IGSF9B: variants seen among roughly 807,000 people sequenced by gnomAD.
IGSF9B encodes the protein immunoglobulin superfamily member 9B, also known as protein turtle homolog B.
A neutral mutation model predicts 143.7 loss-of-function variants in IGSF9B; 48 were observed. The ratio of observed to expected loss-of-function variants is 0.33; its 90% CI spans 0.26 to 0.42. IGSF9B has a LOEUF of 0.42. IGSF9B is among the 20% of genes least tolerant of loss of function. The pLI is 1.00. For synonymous variants in IGSF9B, 903 were observed against 833.1 expected, an observed-to-expected ratio of 1.08 and a Z score of -1.44; for missense variants, 1,706 against 1,980.0, an observed-to-expected ratio of 0.86 and a Z score of 2.63.
rs1237494722 is a variant in IGSF9B at position 133,907,354 on chromosome 11, C to T, written c.*1715G>A. On this transcript the variant is annotated 3_prime_UTR_variant, in exon 20 of 20. Coordinates refer to ENST00000533871, the MANE Select transcript of IGSF9B (RefSeq NM_001277285.4). ...TCCTGCGAGGTCACTGGGCCAAGCC[C>T]ATGGCAGCTGCATGAGACCAGCAGA... 6.6e-6 allele frequency among the ~76,000 whole-genome samples: 1 copy of T among 152,236 alleles called. No homozygotes were observed. The highest frequency in any genetic ancestry group is 1.5e-5 in the Non-Finnish European group (1 of 68,050).
chr11:133,948,837 C>G lies in IGSF9B; in HGVS notation c.65-2579G>C, dbSNP rs1184100935. Among the ~76,000 whole-genome samples the G allele has an allele frequency of 1.3e-5, 2 of 152,166 alleles. No homozygotes were observed. The highest frequency in any genetic ancestry group is 4.8e-5 in the African/African-American group (2 of 41,434). On this transcript the variant is annotated intron_variant, in intron 1 of 19. Transcript: ENST00000533871. This position sits in a 1 kb window ranked among gnomAD's most constrained non-coding sequence, Gnocchi z 4.7. The stretch of plus-strand genomic sequence containing the variant: ...AACAGAGGCCTAGGGGGACAGCAGG[C>G]ACCTCCAACAGTGGAGTTTGCTCTG...
At chr11:133,951,879 C>T (rs894380492) in intron 1 of IGSF9B, 3 of 261,442 alleles carry the variant, frequency 1.1e-5, no homozygotes, top group South Asian at 3.6e-5. Flanking sequence ...GTTTACTCCC[C>T]GGGCAACATC....
In IGSF9B at chr11:133,931,810, C is replaced by T. The variant is rs753789460; in HGVS notation, c.1111-15G>A. The T allele has an allele frequency of 9.3e-6, 15 of 1,610,288 alleles. No individual in the cohort carries two copies. The highest frequency in any genetic ancestry group is 1.7e-4 in the Middle Eastern group (1 of 6,056). On this transcript the variant is annotated splice_polypyrimidine_tract_variant and intron_variant, in intron 8 of 19. Transcript: ENST00000533871. The surrounding 1 kb of genome is among the most constrained non-coding windows in gnomAD (Gnocchi z 7.7). ...CAACCGAGGTTCTGCCAGACACAGA[C>T]GATAGGGCAGGGAACGCTGGTCAGA...
chr11:133,908,867 A>T lies in IGSF9B; in HGVS notation c.*202T>A. ...AATCCACTTCCTGACCTCGACCCAC[A>T]GGTGGAAGGTGTGCCCACCCTCCGT... On this transcript the variant is annotated 3_prime_UTR_variant, in exon 20 of 20. Coordinates refer to ENST00000533871, the MANE Select transcript of IGSF9B (RefSeq NM_001277285.4). The T allele has an allele frequency of 1.8e-6, 1 of 565,802 alleles. No individual in the cohort carries two copies. The highest frequency in any genetic ancestry group is 3.1e-6 in the Non-Finnish European group (1 of 318,672). The allele number at this position is 565,802 out of a possible 1,614,324, so 35.0% of individuals were successfully genotyped here.
chr11:133,955,804 C>T (rs1292555961), intron 1 of IGSF9B, among the ~76,000 whole-genome samples: 4 of 152,198 alleles, frequency 2.6e-5, no homozygotes, highest in Non-Finnish European at 5.9e-5. Context: ...TGGCTCCCCC[C>T]TTGCGTCTCC....
At chr11:133,955,363 C>A (rs1440657423) in intron 1 of IGSF9B, among the ~76,000 whole-genome samples, 3 of 152,220 alleles carry the variant, frequency 2.0e-5, no homozygotes, top group Non-Finnish European at 2.9e-5. Context: ...GCCCTCTGCT[C>A]GTTCTGTTTT....
Position 133,956,962 on chromosome 11 carries a change from C to G in IGSF9B, c.-208G>C. On this transcript the variant is annotated 5_prime_UTR_variant, in exon 1 of 20. Coordinates refer to ENST00000533871, the MANE Select transcript of IGSF9B (RefSeq NM_001277285.4). ...CTCCCCGGCCCCGGCGCAGCGGCAC[C>G]TGCACTACTCGCCCGGGCGGAGCGC... The G allele has an allele frequency of 2.7e-6, 1 of 375,514 alleles. No individual in the cohort carries two copies. The highest frequency in any genetic ancestry group is 4.8e-6 in the Non-Finnish European group (1 of 210,390). The allele number at this position is 375,514 out of a possible 1,614,324, so 23.3% of individuals were successfully genotyped here. A position where few individuals can be genotyped will look rare whatever the true frequency, so the allele number is the denominator to read the frequency against.
intron 1 of IGSF9B, among the ~76,000 whole-genome samples, 178 bp downstream of exon 1, chr11:133,956,513 C>A (rs1940256960): frequency 1.2e-5 from 1 of 84,932 alleles, no homozygotes; most frequent in African/African-American, 4.8e-5. Flanking sequence ...CCCCCAGGCC[C>A]TCCCCGGCAA....
chr11:133,914,750 A>C (rs1439804834), intron 18 of IGSF9B, among the ~76,000 whole-genome samples: 8 of 152,216 alleles, frequency 5.3e-5, no homozygotes, highest in Non-Finnish European at 1.2e-4. Flanking sequence ...GGAGGGAGGA[A>C]GCAGGGCAGG....
intron 14 of IGSF9B, 100 bp downstream of exon 14, chr11:133,925,639 T>C: frequency 2.2e-6 from 2 of 901,714 alleles, no homozygotes; most frequent in South Asian, 1.5e-5. Flanking sequence ...GTGGCTGGCC[T>C]CACACACCCA....
rs1390068327 is a variant in IGSF9B, at chr11:133,931,585, C to T, written c.1252-16G>A. On this transcript the variant is annotated splice_polypyrimidine_tract_variant and intron_variant, in intron 9 of 19. Coordinates refer to ENST00000533871, the MANE Select transcript of IGSF9B (RefSeq NM_001277285.4). The surrounding 1 kb of genome is among the most constrained non-coding windows in gnomAD (Gnocchi z 7.7). ...AGGGGGGGTCCTGGGGAGGAAAGCA[C>T]AGGCACCCTCGTGAGGCCGGGGATC... The T allele has an allele frequency of 1.2e-6, 2 of 1,612,468 alleles. No individual in the cohort carries two copies. Among genetic ancestry groups the T allele is most frequent in the East Asian group, 2.2e-5 (1 of 44,848 alleles).
chr11:133,939,899 AACAT>A (rs1338426996), intron 3 of IGSF9B, among the ~76,000 whole-genome samples: 3 of 147,498 alleles, frequency 2.0e-5, no homozygotes, highest in African/African-American at 7.6e-5. Flanking sequence ...CACATACAGA[AACAT>A]ACACCTTGCA....
At chr11:133,918,338 C>T (rs548078906) in intron 18 of IGSF9B, among the ~76,000 whole-genome samples, 1 of 152,076 alleles carries the variant, frequency 6.6e-6, no homozygotes. Context: ...TTACCAACAC[C>T]GGCCGGGGGG....
rs1049717614 is a variant in IGSF9B at position 133,908,205 on chromosome 11, C to A, written c.*864G>T. Reference sequence around the variant, plus strand: ...AGCCCCGCGGCTGAGTTAGCCTCTACTCCTGCAGCGTGAGCCACGCTGGAA... The same window carrying A: ...AGCCCCGCGGCTGAGTTAGCCTCTAATCCTGCAGCGTGAGCCACGCTGGAA... On this transcript the variant is annotated 3_prime_UTR_variant, in exon 20 of 20. Transcript: ENST00000533871. Among the ~76,000 whole-genome samples the A allele has an allele frequency of 6.6e-6, 1 of 152,212 alleles. No homozygotes were observed. The highest frequency in any genetic ancestry group is 6.5e-5 in the Admixed American group (1 of 15,284).
chr11:133,950,194 G>A (rs1017154048), intron 1 of IGSF9B, among the ~76,000 whole-genome samples: 6 of 152,178 alleles, frequency 3.9e-5, no homozygotes, highest in African/African-American at 4.8e-5. Flanking sequence ...CTCACAACCC[G>A]GAGCTCCTCC....
intron 1 of IGSF9B, 29 bp downstream of exon 1, chr11:133,956,662 C>A: frequency 6.7e-7 from 1 of 1,489,806 alleles, no homozygotes; most frequent in Non-Finnish European, 9.1e-7. Context: ...CCGGGAGGGG[C>A]AGGGGAGGGA....
At position 133,928,868 on chromosome 11, in the gene IGSF9B, G is replaced by A. The variant is rs1196152966; in HGVS notation, c.1631+803C>T. 3.3e-5 allele frequency among the ~76,000 whole-genome samples: 5 copies of A among 152,312 alleles called. 1 individual carries two copies. Among genetic ancestry groups the A allele is most frequent in the Admixed American group, 2.6e-4 (4 of 15,302 alleles). Reference sequence around the variant, plus strand: ...TGACAACAGAGGAATGAAAACAATCGAGAAACACATGGTCCTAGAGAGAAA... The same window carrying A: ...TGACAACAGAGGAATGAAAACAATCAAGAAACACATGGTCCTAGAGAGAAA... On this transcript the variant is annotated intron_variant, in intron 12 of 19. Transcript: ENST00000533871. The surrounding 1 kb of genome is among the most constrained non-coding windows in gnomAD (Gnocchi z 4.7).
chr11:133,915,135 G>A lies in IGSF9B; in HGVS notation c.3984-3128C>T, dbSNP rs754217188. Among the ~76,000 whole-genome samples the A allele has an allele frequency of 5.3e-5, 8 of 152,108 alleles. 1 individual carries two copies. Among genetic ancestry groups the A allele is most frequent in the Non-Finnish European group, 7.4e-5 (5 of 68,012 alleles). ...GTTCTAAAGCATGCAGGAATGCTAC[G>A]AACCCTGGGGCTCCCCTTCTCCCAG... On this transcript the variant is annotated intron_variant, in intron 18 of 19. Coordinates refer to ENST00000533871, the MANE Select transcript of IGSF9B (RefSeq NM_001277285.4).
chr11:133,952,097 G>A (rs1488914996), intron 1 of IGSF9B: 7 of 453,592 alleles, frequency 1.5e-5, no homozygotes, highest in East Asian at 1.4e-4. Context: ...CAGCTCTGGC[G>A]CACTCGGACT....
Sources: allele counts gnomAD v4.1 joint callset (sites outside exome capture counted in the v4.1 genomes callset), GRCh38; gene constraint gnomAD v4.1.1; non-coding constraint Gnocchi (gnomAD v3.1); transcripts MANE v1.5; gene names NCBI Gene and HGNC (gene_info 2026-07-23, HGNC 2026-07-21).